CCDC7: variants seen among roughly 807,000 people sequenced by gnomAD.
CCDC7 encodes coiled-coil domain containing 7, also known as coiled-coil domain-containing protein 7.
CCDC7 carries 183 observed loss-of-function variants against 196.9 expected under a neutral mutation model. The ratio of observed to expected loss-of-function variants is 0.93; its 90% confidence interval spans 0.82 to 1.05. CCDC7 has a LOEUF of 1.05. Ranked by LOEUF, CCDC7 falls within the 50% of genes least tolerant of loss-of-function variation. The probability of loss-of-function intolerance (pLI) is 0.00; values close to 1 mark genes in which losing one functional copy is unlikely to be tolerated. For missense variants in CCDC7, 1,540 were observed against 1,482.2 expected (o/e 1.04, Z -0.64); for synonymous variants, 525 against 484.6 (o/e 1.08, Z -1.10).
At chr10:32,544,164 G>T (rs1285927686) in intron 12 of CCDC7, 83 bp from the exon 14 acceptor site, 5 of 1,171,730 alleles carry the variant, frequency 4.3e-6, no homozygotes, top group East Asian at 2.5e-5. Flanking sequence ...TTTTAAAATC[G>T]TTTAAAAAGT....
chr10:32,470,817 A>G (rs1031122714), intron 5 of CCDC7, among the ~76,000 whole-genome samples: 1 of 152,178 alleles, frequency 6.6e-6, no homozygotes, highest in Non-Finnish European at 1.5e-5. Context: ...CCTATATATT[A>G]AAGCAATAAA....
chr10:32,736,147 T>A (rs2484735), intron 28 of CCDC7, among the ~76,000 whole-genome samples: 52,044 of 152,026 alleles, frequency 0.34, 11,309 homozygotes, highest in Non-Finnish European at 0.49. Context: ...CTGGGTCTTT[T>A]GCCTTTCCAT....
At chr10:32,755,530 C>G (rs1004517319) in intron 28 of CCDC7, among the ~76,000 whole-genome samples, 5 of 152,118 alleles carry the variant, frequency 3.3e-5, no homozygotes, top group Non-Finnish European at 2.9e-5. Context: ...AGACCTGCAG[C>G]TGAGGGTCTT....
At chr10:32,620,134 G>C (rs2063244460) in intron 18 of CCDC7, among the ~76,000 whole-genome samples, 1 of 151,428 alleles carries the variant, frequency 6.6e-6, no homozygotes, top group Admixed American at 6.6e-5. Flanking sequence ...TGTTGGCCAG[G>C]CTGGTCTCGA....
At chr10:32,816,195 CG>C (rs1453204306) in intron 31 of CCDC7, among the ~76,000 whole-genome samples, 2 of 152,190 alleles carry the variant, frequency 1.3e-5, no homozygotes, top group African/African-American at 2.4e-5. Context: ...TTATATCCTG[CG>C]CATGGCTCGG....
At chr10:32,708,777 T>C (rs1277480651) in intron 24 of CCDC7, among the ~76,000 whole-genome samples, 1 of 152,114 alleles carries the variant, frequency 6.6e-6, no homozygotes, top group East Asian at 1.9e-4. Flanking sequence ...TGAGATACCA[T>C]CTCACACCAC....
chr10:32,526,017 C>T (rs950357198), intron 11 of CCDC7, among the ~76,000 whole-genome samples: 1 of 152,160 alleles, frequency 6.6e-6, no homozygotes, highest in African/African-American at 2.4e-5. Flanking sequence ...GTGGTGTGTT[C>T]CCCCAAGCCC....
intron 28 of CCDC7, among the ~76,000 whole-genome samples, chr10:32,773,265 C>A (rs1426543754): frequency 6.6e-6 from 1 of 152,080 alleles, no homozygotes; most frequent in African/African-American, 2.4e-5. Flanking sequence ...GCTTGCTAGG[C>A]CTTTTTCTCT....
chr10:32,596,623 G>A (rs1375086233), intron 18 of CCDC7, among the ~76,000 whole-genome samples: 1 of 152,156 alleles, frequency 6.6e-6, no homozygotes, highest in Non-Finnish European at 1.5e-5. Flanking sequence ...CTTCTTCCTA[G>A]CCTCGACGAT....
At chr10:32,577,539 T>G (rs2058336720) in intron 16 of CCDC7, among the ~76,000 whole-genome samples, 2 of 152,096 alleles carry the variant, frequency 1.3e-5, no homozygotes, top group African/African-American at 4.8e-5. Flanking sequence ...TCCAATACCA[T>G]GGGATCTCAA....
chr10:32,485,624 G>T (rs960042792), intron 8 of CCDC7, among the ~76,000 whole-genome samples: 1 of 152,162 alleles, frequency 6.6e-6, no homozygotes, highest in Non-Finnish European at 1.5e-5. Context: ...GCTTTCTCTT[G>T]TGGGCATTTA....
At chr10:32,670,899 A>T (rs1342390511) in intron 21 of CCDC7, among the ~76,000 whole-genome samples, 1 of 151,688 alleles carries the variant, frequency 6.6e-6, no homozygotes, top group East Asian at 1.9e-4. Flanking sequence ...GTGGTGTAAC[A>T]TTAGGTTGTT....
intron 28 of CCDC7, among the ~76,000 whole-genome samples, chr10:32,767,955 G>A (rs1235718175): frequency 6.6e-6 from 1 of 152,040 alleles, no homozygotes; most frequent in Non-Finnish European, 1.5e-5. Context: ...TTCTGGAGTT[G>A]AGAAATTCAA....
At chr10:32,561,386 C>T (rs1396860394) in intron 13 of CCDC7, among the ~76,000 whole-genome samples, 1 of 152,102 alleles carries the variant, frequency 6.6e-6, no homozygotes, top group Non-Finnish European at 1.5e-5. Context: ...TGAAAATTGA[C>T]CACATAGTTG....
rs1297223198 is a variant in CCDC7 at position 32,742,469 on chromosome 10, A to G, written c.2905+13012A>G. On this transcript the variant is annotated intron_variant, in intron 28 of 41. Transcript: ENST00000639629. ...TCGTACAGAATAGTTTCACTGCCCTAAACATCTTTTGTGCTCTCCCTATTT... is the reference window on the plus strand; with the variant it reads ...TCGTACAGAATAGTTTCACTGCCCTGAACATCTTTTGTGCTCTCCCTATTT... Among the ~76,000 whole-genome samples, 4 of 152,290 alleles carry G rather than the reference A, an allele frequency of 2.6e-5. No individual in the cohort carries two copies. In the East Asian group the frequency reaches 7.7e-4, roughly 29 times the overall value.
intron 28 of CCDC7, among the ~76,000 whole-genome samples, chr10:32,763,579 G>A (rs1023342262): frequency 2.0e-5 from 3 of 151,796 alleles, no homozygotes; most frequent in Non-Finnish European, 2.9e-5. Context: ...TGAAAACAAC[G>A]TGTCTGTCAG....
intron 18 of CCDC7, among the ~76,000 whole-genome samples, chr10:32,593,919 G>T (rs577801408): frequency 1.5e-3 from 229 of 152,136 alleles, no homozygotes; most frequent in Non-Finnish European, 2.9e-3. Context: ...TCTCTCTTTT[G>T]GTACCTGTAC....
At chr10:32,507,360 A>G (rs550662673) in intron 9 of CCDC7, among the ~76,000 whole-genome samples, 2 of 152,228 alleles carry the variant, frequency 1.3e-5, no homozygotes, top group South Asian at 4.2e-4. Flanking sequence ...AAAAAAATCC[A>G]TTCAGCCACT....
intron 41 of CCDC7, among the ~76,000 whole-genome samples, chr10:32,865,950 A>G (rs187297418): frequency 2.0e-5 from 3 of 151,958 alleles, no homozygotes; most frequent in Admixed American, 6.6e-5. Context: ...AGAGTTGAAA[A>G]TATCTGCATG....
Sources: allele counts gnomAD v4.1 joint callset (sites outside exome capture counted in the v4.1 genomes callset), GRCh38; gene constraint gnomAD v4.1.1; transcripts MANE v1.5; gene names NCBI Gene and HGNC (gene_info 2026-07-23, HGNC 2026-07-21).